Variants in POLR2I observed in about 807,000 individuals in gnomAD.
The protein encoded by POLR2I is DNA-directed RNA polymerase II subunit RPB9.
Under a neutral mutation model 23.0 loss-of-function variants are expected in POLR2I, and 15 were observed. That is an observed-to-expected ratio of 0.65 (90% CI 0.44 to 1.00). POLR2I has a LOEUF of 1.00. Among genes scored for constraint, POLR2I ranks in the 50% least tolerant of loss-of-function variants. The pLI, the probability that POLR2I is intolerant of heterozygous loss-of-function variation, is 0.00. For missense variants in POLR2I, 120 were observed against 173.7 expected (o/e 0.69, Z 1.74); for synonymous variants, 72 against 65.4 (o/e 1.10, Z -0.49).
Position 36,114,421 on chromosome 19 carries a change from G to A in POLR2I, c.115-9C>T, listed in dbSNP as rs1440407464. 1 of 1,612,934 alleles carries A rather than the reference G, an allele frequency of 6.2e-7. No individual in the cohort carries two copies. Among genetic ancestry groups the A allele is most frequent in the Non-Finnish European group, 8.5e-7 (1 of 1,179,102 alleles). On this transcript the variant is annotated splice_polypyrimidine_tract_variant and intron_variant, in intron 2 of 5. Transcript: ENST00000221859. The surrounding 1 kb of genome is among the most constrained non-coding windows in gnomAD (Gnocchi z 4.5). The stretch of plus-strand genomic sequence containing the variant: ...TAATCACAGTTCCGGCACTACGAGA[G>A]GGCGAGTGTGGGGGAAAGGGGGTCA...
At position 36,114,765 on chromosome 19, in the gene POLR2I, G is replaced by A. The variant is rs146645834; in HGVS notation, c.59+33C>T. On this transcript the variant is annotated intron_variant, in intron 1 of 5. Coordinates refer to ENST00000221859, the MANE Select transcript of POLR2I (RefSeq NM_006233.5). The surrounding 1 kb of genome is among the most constrained non-coding windows in gnomAD (Gnocchi z 4.5). ...TTAGTTCTGGAGCCATTCCTCGCCC[G>A]CCTTCTAACATCACCCGCTCCCTCC... 4,550 of 1,613,688 alleles carry A rather than the reference G, an allele frequency of 2.8e-3. 53 individuals carry two copies. The highest frequency in any genetic ancestry group is 0.02 in the African/African-American group (1,503 of 75,038).
At position 36,114,665 on chromosome 19, in the gene POLR2I, G is replaced by C. The variant is rs556778162; in HGVS notation, c.108C>G (p.Leu36=). Residue 36 remains leucine, a synonymous_variant, in exon 2 of 6, where the codon CTC becomes CTG. Transcript: ENST00000221859. The surrounding 1 kb of genome is among the most constrained non-coding windows in gnomAD (Gnocchi z 4.5). ...PKEDKENRIL[L]YACRNCDYQQ... is the part of the protein sequence containing the mutation. ...GGAAGACCCCGGCGCTCACCGCGTAGAGCAGAATGCGGTTCTCCTTGTCTT... is the reference window on the plus strand; with the variant it reads ...GGAAGACCCCGGCGCTCACCGCGTACAGCAGAATGCGGTTCTCCTTGTCTT... 6.2e-7 allele frequency: 1 copy of C among 1,609,000 alleles called. No homozygotes were observed. The highest frequency in any genetic ancestry group is 8.5e-7 in the Non-Finnish European group (1 of 1,175,916).
At position 36,114,300 on chromosome 19, in the gene POLR2I, G is replaced by C; in HGVS notation, c.188+39C>G. 1.9e-6 allele frequency: 3 copies of C among 1,612,614 alleles called. No homozygotes were observed. Among genetic ancestry groups the C allele is most frequent in the Non-Finnish European group, 2.5e-6 (3 of 1,179,156 alleles). On this transcript the variant is annotated intron_variant, in intron 3 of 5. Coordinates refer to ENST00000221859, the MANE Select transcript of POLR2I (RefSeq NM_006233.5). The surrounding 1 kb of genome is among the most constrained non-coding windows in gnomAD (Gnocchi z 4.5). Reference sequence around the variant, plus strand: ...ATTACGCTCAGACCCAGCCTCCAGAGCCAACACCCCCGCCCCCAGCTCAGG... The same window carrying C: ...ATTACGCTCAGACCCAGCCTCCAGACCCAACACCCCCGCCCCCAGCTCAGG...
In POLR2I at chr19:36,114,510, G is replaced by A; in HGVS notation, c.115-98C>T. 1 of 1,351,794 alleles carries A rather than the reference G, an allele frequency of 7.4e-7. No individual in the cohort carries two copies. Among genetic ancestry groups the A allele is most frequent in the African/African-American group, 1.4e-5 (1 of 70,006 alleles). 83.7% of individuals were successfully genotyped at this position (1,351,794 alleles called of 1,614,324 possible). ...GTGATCCCGGAGGATATGACGACAGGACTCTCTTTGGGGATGGGCAGGACA... is the reference window on the plus strand; with the variant it reads ...GTGATCCCGGAGGATATGACGACAGAACTCTCTTTGGGGATGGGCAGGACA... On this transcript the variant is annotated intron_variant, in intron 2 of 5. Coordinates refer to ENST00000221859, the MANE Select transcript of POLR2I (RefSeq NM_006233.5). The surrounding 1 kb of genome is among the most constrained non-coding windows in gnomAD (Gnocchi z 4.5).
chr19:36,113,834 A>G lies in POLR2I; in HGVS notation c.316-17T>C. Reference sequence around the variant, plus strand: ...CATGGCGTCCTGGCAGAAATGATGCATGGTTAGGAAGGATTTGGACCCAGC... The same window carrying G: ...CATGGCGTCCTGGCAGAAATGATGCGTGGTTAGGAAGGATTTGGACCCAGC... On this transcript the variant is annotated splice_polypyrimidine_tract_variant and intron_variant, in intron 5 of 5. Transcript: ENST00000221859. The G allele has an allele frequency of 6.8e-7, 1 of 1,477,782 alleles. No individual in the cohort carries two copies. The highest frequency in any genetic ancestry group is 9.2e-7 in the Non-Finnish European group (1 of 1,088,984). 91.5% of individuals were successfully genotyped at this position (1,477,782 alleles called of 1,614,324 possible). A position where few individuals can be genotyped will look rare whatever the true frequency, so the allele number is the denominator to read the frequency against.
rs760184169 is a variant in POLR2I at position 36,114,105 on chromosome 19, C to T, written c.264-39G>A. On this transcript the variant is annotated intron_variant, in intron 4 of 5. Transcript: ENST00000221859. This position sits in a 1 kb window ranked among gnomAD's most constrained non-coding sequence, Gnocchi z 4.5. The stretch of plus-strand genomic sequence containing the variant: ...GGCTCGGTCACCGGAGGCTTCACAC[C>T]CTTCCCTCCTCCCTTCGCCCAGTGA... 2.5e-6 allele frequency: 4 copies of T among 1,613,688 alleles called. No individual in the cohort carries two copies. The highest frequency in any genetic ancestry group is 2.2e-5 in the East Asian group (1 of 44,878).
chr19:36,114,653 G>A lies in POLR2I; in HGVS notation c.114+6C>T, dbSNP rs1252558094. On this transcript the variant is annotated splice_donor_region_variant and intron_variant, in intron 2 of 5. Transcript: ENST00000221859. The surrounding 1 kb of genome is among the most constrained non-coding windows in gnomAD (Gnocchi z 4.5). ...TGGACCTGCCGGGGAAGACCCCGGC[G>A]CTCACCGCGTAGAGCAGAATGCGGT... 3 of 1,604,544 alleles carry A rather than the reference G, an allele frequency of 1.9e-6. No individual in the cohort carries two copies. Among genetic ancestry groups the A allele is most frequent in the Non-Finnish European group, 2.6e-6 (3 of 1,172,678 alleles).
In POLR2I at chr19:36,114,649, C is replaced by T. The variant is rs1280754490; in HGVS notation, c.114+10G>A. 3 of 1,602,638 alleles carry T rather than the reference C, an allele frequency of 1.9e-6. No homozygotes were observed. The highest frequency in any genetic ancestry group is 1.7e-5 in the Admixed American group (1 of 59,642). ...CAGGTGGACCTGCCGGGGAAGACCC[C>T]GGCGCTCACCGCGTAGAGCAGAATG... On this transcript the variant is annotated intron_variant, in intron 2 of 5. Coordinates refer to ENST00000221859, the MANE Select transcript of POLR2I (RefSeq NM_006233.5). The surrounding 1 kb of genome is among the most constrained non-coding windows in gnomAD (Gnocchi z 4.5).
At chr19:36,113,947 T>A (rs115149643) in intron 5 of POLR2I, 68 bp downstream of exon 5, 1 of 1,589,598 alleles carries the variant, frequency 6.3e-7, no homozygotes. Flanking sequence ...GTCACCCACA[T>A]TGATATCCCC....
chr19:36,114,066 C>G lies in POLR2I; in HGVS notation c.264G>C (p.Lys88Asn), dbSNP rs1345596180. The G allele has an allele frequency of 6.2e-7, 1 of 1,614,090 alleles. No homozygotes were observed. Among genetic ancestry groups the G allele is most frequent in the Non-Finnish European group, 8.5e-7 (1 of 1,179,994 alleles). Residue 88 changes from lysine to asparagine, a missense_variant and splice_region_variant, in exon 5 of 6, where the codon AAG (lysine) becomes AAC (asparagine). Physicochemically the swap from Lys to Asn is moderately conservative, Grantham distance 94. Coordinates refer to ENST00000221859, the MANE Select transcript of POLR2I (RefSeq NM_006233.5). The surrounding 1 kb of genome is among the most constrained non-coding windows in gnomAD (Gnocchi z 4.5). ...LPRTEDHPCQ[K>N]CGHKEAVFFQ... ...AGAACACAGCCTCCTTGTGGCCGCACCTGAGAGGGTAGGGGCTCGGTCACC... is the reference window on the plus strand; with the variant it reads ...AGAACACAGCCTCCTTGTGGCCGCAGCTGAGAGGGTAGGGGCTCGGTCACC...
Position 36,114,829 on chromosome 19 carries a change from C to G in POLR2I, c.28G>C (p.Gly10Arg). The G allele has an allele frequency of 6.2e-7, 1 of 1,614,114 alleles. No individual in the cohort carries two copies. Among genetic ancestry groups the G allele is most frequent in the Non-Finnish European group, 8.5e-7 (1 of 1,180,016 alleles). MEPDGTYEP[G>R]FVGIRFCQEC... is the part of the protein sequence containing the mutation. ...TGGCAGAAGCGAATACCCACGAAGC[C>G]CGGCTCGTAAGTCCCGTCGGGCTCC... Residue 10 changes from glycine to arginine, a missense_variant, in exon 1 of 6, where the codon GGC (glycine) becomes CGC (arginine). Physicochemically the swap from Gly to Arg is moderately radical, Grantham distance 125. Transcript: ENST00000221859. The surrounding 1 kb of genome is among the most constrained non-coding windows in gnomAD (Gnocchi z 4.5).
rs1973909014 is a variant in POLR2I at position 36,114,637 on chromosome 19, C to T, written c.114+22G>A. On this transcript the variant is annotated intron_variant, in intron 2 of 5. Coordinates refer to ENST00000221859, the MANE Select transcript of POLR2I (RefSeq NM_006233.5). The surrounding 1 kb of genome is among the most constrained non-coding windows in gnomAD (Gnocchi z 4.5). ...CCACGCTGGGAACAGGTGGACCTGC[C>T]GGGGAAGACCCCGGCGCTCACCGCG... 1.9e-6 allele frequency: 3 copies of T among 1,596,434 alleles called. No homozygotes were observed. The highest frequency in any genetic ancestry group is 2.6e-6 in the Non-Finnish European group (3 of 1,167,628).
chr19:36,114,596 A>AG lies in POLR2I; in HGVS notation c.114+62dup. 6.7e-7 allele frequency: 1 copy of AG among 1,483,992 alleles called. No individual in the cohort carries two copies. The highest frequency in any genetic ancestry group is 9.3e-7 in the Non-Finnish European group (1 of 1,072,234). The allele number at this position is 1,483,992 out of a possible 1,614,324, so 91.9% of individuals were successfully genotyped here. On this transcript the variant is annotated intron_variant, in intron 2 of 5. Coordinates refer to ENST00000221859, the MANE Select transcript of POLR2I (RefSeq NM_006233.5). The surrounding 1 kb of genome is among the most constrained non-coding windows in gnomAD (Gnocchi z 4.5). ...GAACAGGGAGTCCGATCACAGAGGCAGGGGGCAGGGCGGGGCCACGCTGGG... is the reference window on the plus strand; with the variant it reads ...GAACAGGGAGTCCGATCACAGAGGCAGGGGGGCAGGGCGGGGCCACGCTGGG...
In POLR2I at chr19:36,113,868, A is replaced by AC. The variant is rs1422089256; in HGVS notation, c.316-52dup. 4.4e-6 allele frequency: 7 copies of AC among 1,602,966 alleles called. No homozygotes were observed. The Admixed American group carries it at 8.3e-5, about 19-fold the overall frequency. ...AAGGATTTGGACCCAGCAGCGCCTT[A>AC]CCCCAAAAGAACAGGCAAGAGAACT... On this transcript the variant is annotated intron_variant, in intron 5 of 5. Transcript: ENST00000221859.
chr19:36,114,027 A>T lies in POLR2I; in HGVS notation c.303T>A (p.Ser101Arg). ...TCGCGCCACTTACCTCGGCCCGCGCACTGTGTGACTGGAAGAACACAGCCT... is the reference window on the plus strand; with the variant it reads ...TCGCGCCACTTACCTCGGCCCGCGCTCTGTGTGACTGGAAGAACACAGCCT... ...HKEAVFFQSH[S>R]ARAEDAMRLY... is the part of the protein sequence containing the mutation. Residue 101 changes from serine (S) to arginine (R), a missense_variant, in exon 5 of 6, where the codon AGT (serine) becomes AGA (arginine). By Grantham distance (110) the Ser-to-Arg change is moderately radical (BLOSUM62 -1). Coordinates refer to ENST00000221859, the MANE Select transcript of POLR2I (RefSeq NM_006233.5). This position sits in a 1 kb window ranked among gnomAD's most constrained non-coding sequence, Gnocchi z 4.5. The T allele has an allele frequency of 6.2e-7, 1 of 1,613,918 alleles. No homozygotes were observed. Among genetic ancestry groups the T allele is most frequent in the Non-Finnish European group, 8.5e-7 (1 of 1,179,968 alleles).
At position 36,114,570 on chromosome 19, in the gene POLR2I, C is replaced by T; in HGVS notation, c.114+89G>A. The stretch of plus-strand genomic sequence containing the variant: ...GGATCACTTGAGGTGCAGCGGAGGG[C>T]GAACAGGGAGTCCGATCACAGAGGC... On this transcript the variant is annotated intron_variant, in intron 2 of 5. Transcript: ENST00000221859. This position sits in a 1 kb window ranked among gnomAD's most constrained non-coding sequence, Gnocchi z 4.5. 2 of 1,374,018 alleles carry T rather than the reference C, an allele frequency of 1.5e-6. No homozygotes were observed. Among genetic ancestry groups the T allele is most frequent in the South Asian group, 1.2e-5 (1 of 83,276 alleles). The allele number at this position is 1,374,018 out of a possible 1,614,324, so 85.1% of individuals were successfully genotyped here. A position where few individuals can be genotyped will look rare whatever the true frequency, so the allele number is the denominator to read the frequency against.
At position 36,114,736 on chromosome 19, in the gene POLR2I, G is replaced by A. The variant is rs1973911433; in HGVS notation, c.60-23C>T. ...TTACTGTGGGGAGGGGGAGGTGCCA[G>A]GGGTTAGTTCTGGAGCCATTCCTCG... is the stretch of plus-strand genomic sequence containing the variant. On this transcript the variant is annotated intron_variant, in intron 1 of 5. Transcript: ENST00000221859. The surrounding 1 kb of genome is among the most constrained non-coding windows in gnomAD (Gnocchi z 4.5). 3 of 1,613,508 alleles carry A rather than the reference G, an allele frequency of 1.9e-6. No homozygotes were observed. The highest frequency in any genetic ancestry group is 1.1e-5 in the South Asian group (1 of 91,074).
At position 36,114,425 on chromosome 19, in the gene POLR2I, G is replaced by A. The variant is rs769902946; in HGVS notation, c.115-13C>T. ...CACAGTTCCGGCACTACGAGAGGGCGAGTGTGGGGGAAAGGGGGTCACGGA... is the reference window on the plus strand; with the variant it reads ...CACAGTTCCGGCACTACGAGAGGGCAAGTGTGGGGGAAAGGGGGTCACGGA... On this transcript the variant is annotated splice_polypyrimidine_tract_variant and intron_variant, in intron 2 of 5. Coordinates refer to ENST00000221859, the MANE Select transcript of POLR2I (RefSeq NM_006233.5). The surrounding 1 kb of genome is among the most constrained non-coding windows in gnomAD (Gnocchi z 4.5). 2.5e-6 allele frequency: 4 copies of A among 1,612,194 alleles called. No homozygotes were observed. Among genetic ancestry groups the A allele is most frequent in the Non-Finnish European group, 3.4e-6 (4 of 1,178,430 alleles).
Position 36,114,408 on chromosome 19 carries a change from C to G in POLR2I, c.119G>C (p.Arg40Pro). 6.2e-7 allele frequency: 1 copy of G among 1,613,878 alleles called. No homozygotes were observed. Among genetic ancestry groups the G allele is most frequent in the Non-Finnish European group, 8.5e-7 (1 of 1,179,920 alleles). Residue 40 changes from arginine (R) to proline (P), a missense_variant, in exon 3 of 6, where the codon CGG becomes CCG. Transcript: ENST00000221859. This position sits in a 1 kb window ranked among gnomAD's most constrained non-coding sequence, Gnocchi z 4.5. The part of the protein sequence containing the change: ...KENRILLYAC[R>P]NCDYQQEADN... ...GGCCTCCTGCTGGTAATCACAGTTCCGGCACTACGAGAGGGCGAGTGTGGG... is the reference window on the plus strand; with the variant it reads ...GGCCTCCTGCTGGTAATCACAGTTCGGGCACTACGAGAGGGCGAGTGTGGG...
Sources: allele counts gnomAD v4.1 joint callset, GRCh38; gene constraint gnomAD v4.1.1; non-coding constraint Gnocchi (gnomAD v3.1); transcripts MANE v1.5; gene names NCBI Gene and HGNC (gene_info 2026-07-23, HGNC 2026-07-21).